The following PMEPA1 variants were observed in gnomAD, a reference collection of about 807,000 sequenced individuals.
PMEPA1 encodes the protein prostate transmembrane protein, androgen induced 1.
A neutral mutation model predicts 23.0 loss-of-function variants in PMEPA1; 11 were observed. The ratio of observed to expected loss-of-function variants is 0.48; its 90% confidence interval spans 0.30 to 0.79. The LOEUF is 0.79. PMEPA1 is among the 30% of genes least tolerant of loss of function. The pLI is 0.06. For missense variants in PMEPA1, 377 were observed against 390.9 expected, an observed-to-expected ratio of 0.96 and a Z score of 0.30; for synonymous variants, 204 against 166.4, an observed-to-expected ratio of 1.23 and a Z score of -1.74.
chr20:57,660,414 A>C (rs1318647836), intron 1 of PMEPA1, among the ~76,000 whole-genome samples: 1 of 149,082 alleles, frequency 6.7e-6, no homozygotes, highest in Non-Finnish European at 1.5e-5. Context: ...CACACCCAAC[A>C]CTCCTACACA....
intron 1 of PMEPA1, among the ~76,000 whole-genome samples, chr20:57,671,814 T>TAG (rs1186558292): frequency 6.6e-6 from 1 of 152,214 alleles, no homozygotes; most frequent in Non-Finnish European, 1.5e-5. Flanking sequence ...CACTAGAGGC[T>TAG]AGAAGCACCA....
Position 57,683,929 on chromosome 20 carries a change from G to T in PMEPA1, c.110-24232C>A, listed in dbSNP as rs1166250069. On this transcript the variant is annotated intron_variant, in intron 1 of 3. Transcript: ENST00000341744. The surrounding 1 kb of genome is among the most constrained non-coding windows in gnomAD (Gnocchi z 4.3). ...TGCCTGTGGGCTGTCTGTTTTGGGG[G>T]TAGAAATAAAAAGATCTGGCCAAGA... Among the ~76,000 whole-genome samples the T allele has an allele frequency of 1.3e-5, 2 of 152,164 alleles. No individual in the cohort carries two copies. The highest frequency in any genetic ancestry group is 6.5e-5 in the Admixed American group (1 of 15,268).
intron 1 of PMEPA1, among the ~76,000 whole-genome samples, chr20:57,691,988 C>T (rs761889788): frequency 2.0e-5 from 3 of 152,194 alleles, no homozygotes; most frequent in Non-Finnish European, 2.9e-5. Flanking sequence ...CCTTCCCCGA[C>T]GAGCCTCCCA....
chr20:57,692,732 G>A (rs935572278), intron 1 of PMEPA1, among the ~76,000 whole-genome samples: 6 of 152,314 alleles, frequency 3.9e-5, no homozygotes, highest in East Asian at 1.9e-4. Flanking sequence ...AGGAACCTCC[G>A]TCCACCTCCT....
rs993702512 is a variant in PMEPA1, at chr20:57,651,444, T to A, written c.*609A>T. On this transcript the variant is annotated 3_prime_UTR_variant, in exon 4 of 4. Transcript: ENST00000341744. The stretch of plus-strand genomic sequence containing the variant: ...ATTTATATTAAAAAATAGTGCAAAA[T>A]CTCAACATTTATATAAATAACTCTA... 8 of 152,744 alleles carry A rather than the reference T, an allele frequency of 5.2e-5. No homozygotes were observed. The highest frequency in any genetic ancestry group is 2.1e-4 in the South Asian group (1 of 4,826). The allele number at this position is 152,744 out of a possible 1,614,324, so 9.5% of individuals were successfully genotyped here.
chr20:57,696,388 G>A (rs745840724), intron 1 of PMEPA1, among the ~76,000 whole-genome samples: 7 of 152,266 alleles, frequency 4.6e-5, no homozygotes, highest in East Asian at 1.9e-4. Flanking sequence ...AAAGGGTCCC[G>A]CTTCTCTGTG....
chr20:57,695,743 C>T (rs1426443916), intron 1 of PMEPA1, among the ~76,000 whole-genome samples: 2 of 152,192 alleles, frequency 1.3e-5, no homozygotes, highest in Admixed American at 6.5e-5. Flanking sequence ...CTCCCCCTCA[C>T]CAGACCTCAA....
At chr20:57,698,885 C>T (rs1221239293) in intron 1 of PMEPA1, among the ~76,000 whole-genome samples, 2 of 152,156 alleles carry the variant, frequency 1.3e-5, no homozygotes, top group Non-Finnish European at 2.9e-5. Flanking sequence ...AATGTAGCAG[C>T]CATAAGAGGA....
At position 57,652,920 on chromosome 20, in the gene PMEPA1, C is replaced by T. The variant is rs539793544; in HGVS notation, c.318+113G>A. 1,113 of 910,000 alleles carry T rather than the reference C, an allele frequency of 1.2e-3. 11 individuals are homozygous for T. The South Asian group carries it at 0.015, about 12-fold the overall frequency. 56.4% of individuals were successfully genotyped at this position (910,000 alleles called of 1,614,324 possible). ...AAGGAGGATCCCAGCAGCAAGGGCA[C>T]TGCAGAGGAGGGCGGAGGGGTGAGC... On this transcript the variant is annotated intron_variant, in intron 3 of 3. Coordinates refer to ENST00000341744, the MANE Select transcript of PMEPA1 (RefSeq NM_020182.5). This position sits in a 1 kb window ranked among gnomAD's most constrained non-coding sequence, Gnocchi z 6.1.
intron 1 of PMEPA1, among the ~76,000 whole-genome samples, chr20:57,695,269 G>A (rs899869904): frequency 6.6e-6 from 1 of 152,278 alleles, no homozygotes; most frequent in African/African-American, 2.4e-5. Context: ...TGGCAACAGC[G>A]GCTGATGGGC....
intron 2 of PMEPA1, among the ~76,000 whole-genome samples, chr20:57,657,236 C>A (rs373278787): frequency 6.6e-6 from 1 of 152,312 alleles, no homozygotes; most frequent in African/African-American, 2.4e-5. Flanking sequence ...TGTGGAGATG[C>A]ACACACTGAG....
chr20:57,708,353 G>C (rs1232735941), intron 1 of PMEPA1, among the ~76,000 whole-genome samples: 2 of 152,192 alleles, frequency 1.3e-5, no homozygotes, highest in African/African-American at 4.8e-5. Flanking sequence ...AGGTGGGCTG[G>C]GGGACAAGGT....
chr20:57,709,510 T>C lies in PMEPA1; in HGVS notation c.73A>G (p.Asn25Asp), dbSNP rs2072135785. 14 of 1,137,148 alleles carry C rather than the reference T, an allele frequency of 1.2e-5. No homozygotes were observed. The highest frequency in any genetic ancestry group is 1.4e-5 in the Non-Finnish European group (13 of 908,016). The allele number at this position is 1,137,148 out of a possible 1,614,324, so 70.4% of individuals were successfully genotyped here. ...CTCTGGAACAAAGAGCGTTTGCAGT[T>C]GCACGTGCAGGAGACATTGGGCTGC... ...AGQPNVSCTC[N>D]CKRSLFQSME... Residue 25 changes from asparagine to aspartate, a missense_variant, in exon 1 of 4, where the codon AAC (asparagine) becomes GAC (aspartate). By Grantham distance (23) the Asn-to-Asp change is conservative. Around this residue, in one of 3 missense-constraint regions of PMEPA1, gnomAD observed 198 missense variants for 196.3 expected, o/e 1.01. Transcript: ENST00000341744.
chr20:57,699,022 C>G (rs2071977332), intron 1 of PMEPA1, among the ~76,000 whole-genome samples: 1 of 152,176 alleles, frequency 6.6e-6, no homozygotes, highest in South Asian at 2.1e-4. Context: ...CTGTATAACT[C>G]AGGGGAATGA....
intron 1 of PMEPA1, among the ~76,000 whole-genome samples, chr20:57,669,047 G>T (rs2071531711): frequency 6.6e-6 from 1 of 152,162 alleles, no homozygotes; most frequent in Non-Finnish European, 1.5e-5. Context: ...AATATCAGTG[G>T]CTCAGAGCGA....
At chr20:57,710,721 G>A, upstream of PMEPA1, 1 of 464,518 alleles carries the variant, frequency 2.2e-6, no homozygotes, top group East Asian at 3.5e-5. Flanking sequence ...GCTGGGGGGC[G>A]CGGCTGCGGA....
rs1836127831 is a variant in PMEPA1 at position 57,683,020 on chromosome 20, G to A, written c.110-23323C>T. 6.6e-6 allele frequency among the ~76,000 whole-genome samples: 1 copy of A among 152,148 alleles called. No homozygotes were observed. Among genetic ancestry groups the A allele is most frequent in the South Asian group, 2.1e-4 (1 of 4,818 alleles). On this transcript the variant is annotated intron_variant, in intron 1 of 3. Transcript: ENST00000341744. This position sits in a 1 kb window ranked among gnomAD's most constrained non-coding sequence, Gnocchi z 4.3. ...AGAAAAAAGAGTCCAAGCCTCCCAG[G>A]TTTGAGCTCTAAAAGCCAGACCTTT...
chr20:57,653,155 G>C (rs184361660), intron 2 of PMEPA1, 69 bp from the exon 3 acceptor site: 7 of 1,296,574 alleles, frequency 5.4e-6, no homozygotes, highest in African/African-American at 4.4e-5. Context: ...GCTCAACCCA[G>C]ATTCGACTCT....
intron 1 of PMEPA1, among the ~76,000 whole-genome samples, chr20:57,681,110 C>G (rs369363291): frequency 6.6e-6 from 1 of 152,228 alleles, no homozygotes; most frequent in African/African-American, 2.4e-5. Flanking sequence ...ATTCATCAAC[C>G]CTGGGTGCTA....
Sources: allele counts gnomAD v4.1 joint callset (sites outside exome capture counted in the v4.1 genomes callset), GRCh38; gene constraint gnomAD v4.1.1; regional missense constraint gnomAD v4.1.1; non-coding constraint Gnocchi (gnomAD v3.1); transcripts MANE v1.5; gene names NCBI Gene and HGNC (gene_info 2026-07-23, HGNC 2026-07-21).